SGCD: variants seen among roughly 807,000 people sequenced by gnomAD.
SGCD encodes the protein sarcoglycan delta.
Under a neutral mutation model 36.6 loss-of-function variants are expected in SGCD, and 18 were observed. The observed-to-expected ratio is 0.49, with a 90% confidence interval of 0.34 to 0.73. The LOEUF (loss-of-function observed/expected upper bound fraction) is 0.73. Ranked by LOEUF, SGCD falls within the 30% of genes least tolerant of loss-of-function variation. The probability of loss-of-function intolerance (pLI) is 0.01; values close to 1 mark genes in which losing one functional copy is unlikely to be tolerated. For missense variants in SGCD, 387 were observed against 346.7 expected (o/e 1.12, Z -0.92); for synonymous variants, 133 against 130.6 (o/e 1.02, Z -0.12).
At chr5:156,391,948 T>C (rs1223987017) in intron 3 of SGCD, among the ~76,000 whole-genome samples, 2 of 152,254 alleles carry the variant, frequency 1.3e-5, no homozygotes, top group African/African-American at 4.8e-5. Flanking sequence ...TCATAGTTAA[T>C]GTCTAGAGCT....
intron 2 of SGCD, among the ~76,000 whole-genome samples, chr5:156,343,564 A>G (rs1011699307): frequency 6.6e-6 from 1 of 152,200 alleles, no homozygotes; most frequent in Non-Finnish European, 1.5e-5. Flanking sequence ...TTAGAATTGG[A>G]TAGAAGTGAT....
intron 3 of SGCD, among the ~76,000 whole-genome samples, chr5:156,229,277 C>CATACATATAT (rs1764942419): frequency 1.8e-5 from 1 of 56,502 alleles, no homozygotes; most frequent in African/African-American, 8.0e-5. Flanking sequence ...TATATACATA[C>CATACATATAT]ATATATATAT....
intron 3 of SGCD, among the ~76,000 whole-genome samples, chr5:156,178,521 T>C (rs1763524565): frequency 6.6e-6 from 1 of 152,208 alleles, no homozygotes; most frequent in Non-Finnish European, 1.5e-5. Flanking sequence ...TTTTATTTTA[T>C]TTGTTCTACA....
chr5:156,544,616 T>TAA (rs879600899), intron 4 of SGCD, among the ~76,000 whole-genome samples: 3 of 138,302 alleles, frequency 2.2e-5, no homozygotes, highest in Non-Finnish European at 3.2e-5. Flanking sequence ...GAAGGCCAAT[T>TAA]AAAAAAAAAA....
intron 4 of SGCD, among the ~76,000 whole-genome samples, chr5:156,583,044 T>G (rs1177479421): frequency 6.6e-6 from 1 of 152,054 alleles, no homozygotes; most frequent in Admixed American, 6.6e-5. Flanking sequence ...CCAGAAAGAG[T>G]CAACATGGAA....
At chr5:155,903,360 G>A (rs925183625) in intron 1 of SGCD, among the ~76,000 whole-genome samples, 1 of 152,190 alleles carries the variant, frequency 6.6e-6, no homozygotes, top group East Asian at 1.9e-4. Context: ...CTCTCATGGG[G>A]CAGAGATTTT....
chr5:156,642,756 T>G (rs1036491646), intron 6 of SGCD, among the ~76,000 whole-genome samples: 1 of 151,230 alleles, frequency 6.6e-6, no homozygotes, highest in Non-Finnish European at 1.5e-5. Context: ...TGTGAGCCAC[T>G]GCGCCTGGCC....
At chr5:156,648,556 T>C (rs976608375) in intron 7 of SGCD, among the ~76,000 whole-genome samples, 24 of 152,260 alleles carry the variant, frequency 1.6e-4, no homozygotes, top group African/African-American at 5.8e-4. Flanking sequence ...TAAGTCTGGA[T>C]GGCTGTAAGG....
At chr5:156,556,871 C>T (rs1759043964) in intron 4 of SGCD, among the ~76,000 whole-genome samples, 2 of 152,130 alleles carry the variant, frequency 1.3e-5, no homozygotes, top group South Asian at 4.1e-4. Flanking sequence ...GCTTATGCTC[C>T]AGAGAGTGAC....
chr5:156,493,659 A>T (rs1402770460), intron 3 of SGCD, among the ~76,000 whole-genome samples: 1 of 152,096 alleles, frequency 6.6e-6, no homozygotes, highest in Non-Finnish European at 1.5e-5. Context: ...AAAGGGAGGG[A>T]ATTAAGTCCT....
the SGCD span, among the ~76,000 whole-genome samples, chr5:155,833,956 T>C: frequency 5.3e-5 from 8 of 152,292 alleles, no homozygotes; most frequent in East Asian, 1.5e-3. Flanking sequence ...CTACACTGAG[T>C]TGTGGAAGGA....
chr5:155,970,753 T>C (rs1757992376), intron 1 of SGCD, among the ~76,000 whole-genome samples: 1 of 152,200 alleles, frequency 6.6e-6, no homozygotes, highest in African/African-American at 2.4e-5. Context: ...TGTGCATCAC[T>C]GCAAGGTAGG....
At chr5:155,961,157 A>G (rs1007158862) in intron 1 of SGCD, among the ~76,000 whole-genome samples, 1 of 152,106 alleles carries the variant, frequency 6.6e-6, no homozygotes, top group African/African-American at 2.4e-5. Context: ...GGTTTAGACT[A>G]TTCCCTCTAA....
chr5:156,326,156 A>T (rs1767810230), upstream of SGCD, among the ~76,000 whole-genome samples: 1 of 152,148 alleles, frequency 6.6e-6, no homozygotes, highest in African/African-American at 2.4e-5. Context: ...CTCTTTAGAT[A>T]TGGGGGTTTT....
chr5:156,513,269 G>A (rs1207311780), intron 4 of SGCD, among the ~76,000 whole-genome samples: 1 of 152,172 alleles, frequency 6.6e-6, no homozygotes, highest in African/African-American at 2.4e-5. Flanking sequence ...AGGGATGAGT[G>A]GTTGGCAGGC....
intron 5 of SGCD, among the ~76,000 whole-genome samples, chr5:156,592,138 G>T (rs1760746982): frequency 6.6e-6 from 1 of 152,038 alleles, no homozygotes; most frequent in South Asian, 2.1e-4. Flanking sequence ...ACACAGGAAG[G>T]TGTCCTTAAC....
chr5:156,237,129 C>T (rs576272775), intron 3 of SGCD, among the ~76,000 whole-genome samples: 1 of 152,192 alleles, frequency 6.6e-6, no homozygotes, highest in African/African-American at 2.4e-5. Flanking sequence ...GCCACTATGC[C>T]TGGCCTGAGC....
intron 6 of SGCD, among the ~76,000 whole-genome samples, chr5:156,635,970 G>T (rs1762814264): frequency 6.6e-6 from 1 of 152,014 alleles, no homozygotes; most frequent in African/African-American, 2.4e-5. Context: ...CACCAACATG[G>T]CACATGTATA....
At chr5:155,827,159 A>C in the SGCD span, among the ~76,000 whole-genome samples, 146,029 of 152,306 alleles carry the variant, frequency 0.96, 70,069 homozygotes, top group East Asian at 1. Context: ...CATGCCTTCC[A>C]CAGCTTTAGA....
Sources: gnomAD v4.1 joint callset for allele counts (sites outside exome capture counted in the v4.1 genomes callset) on GRCh38, gnomAD v4.1.1 for gene constraint, MANE v1.5 for transcripts, NCBI Gene and HGNC (gene_info 2026-07-23, HGNC 2026-07-21) for gene names.